The following ZMAT4 variants were observed in gnomAD, a reference collection of about 807,000 sequenced individuals.
ZMAT4 encodes zinc finger matrin-type protein 4.
A neutral mutation model predicts 28.7 loss-of-function variants in ZMAT4; 17 were observed. The observed-to-expected ratio is 0.59, with a 90% CI of 0.41 to 0.89. The LOEUF (loss-of-function observed/expected upper bound fraction) is 0.89, where lower values mean the gene tolerates loss of function less well. Among genes scored for constraint, ZMAT4 ranks in the 40% least tolerant of loss-of-function variants. The pLI, the probability that ZMAT4 is intolerant of heterozygous loss-of-function variation, is 0.00. For synonymous variants in ZMAT4, 117 were observed against 109.2 expected (o/e 1.07, Z -0.44); for missense variants, 240 against 283.8 (o/e 0.85, Z 1.11).
intron 4 of ZMAT4, among the ~76,000 whole-genome samples, chr8:40,684,184 C>A (rs930411591): frequency 1.3e-5 from 2 of 152,042 alleles, no homozygotes; most frequent in Middle Eastern, 3.4e-3. Context: ...AAGGGAATAG[C>A]AAAAGAAAAA....
At chr8:40,819,998 T>C (rs900382082) in intron 2 of ZMAT4, among the ~76,000 whole-genome samples, 1 of 152,112 alleles carries the variant, frequency 6.6e-6, no homozygotes, top group Non-Finnish European at 1.5e-5. Flanking sequence ...AAACCAGGTC[T>C]AGAAGGTCCT....
intron 2 of ZMAT4, among the ~76,000 whole-genome samples, chr8:40,768,147 A>G (rs1241089503): frequency 6.6e-6 from 1 of 152,090 alleles, no homozygotes; most frequent in African/African-American, 2.4e-5. Context: ...AGCCTGGTGC[A>G]CCTCACCCCC....
At chr8:40,608,751 G>A (rs1429195856) in intron 5 of ZMAT4, among the ~76,000 whole-genome samples, 2 of 152,202 alleles carry the variant, frequency 1.3e-5, no homozygotes, top group Admixed American at 1.3e-4. Context: ...AGTGCCCACA[G>A]CGTTCTTTCT....
chr8:40,547,564 T>C (rs1305406640), intron 6 of ZMAT4, among the ~76,000 whole-genome samples: 3 of 110,020 alleles, frequency 2.7e-5, no homozygotes, highest in Non-Finnish European at 5.9e-5. Context: ...CCTTTACACA[T>C]GAATGGGAAT....
intron 5 of ZMAT4, among the ~76,000 whole-genome samples, chr8:40,598,883 G>T (rs1279874735): frequency 6.6e-6 from 1 of 152,164 alleles, no homozygotes; most frequent in African/African-American, 2.4e-5. Flanking sequence ...TTCCTGATCA[G>T]CCAGTACGAA....
At chr8:40,732,684 G>T (rs538284765) in intron 3 of ZMAT4, among the ~76,000 whole-genome samples, 5 of 152,236 alleles carry the variant, frequency 3.3e-5, no homozygotes, top group Non-Finnish European at 7.4e-5. Context: ...GACTGATACT[G>T]GTGTCCAACG....
intron 5 of ZMAT4, among the ~76,000 whole-genome samples, chr8:40,660,722 C>T (rs76558045): frequency 6.6e-6 from 1 of 152,100 alleles, no homozygotes; most frequent in African/African-American, 2.4e-5. Flanking sequence ...CTATAAAATC[C>T]CCATTTTCTT....
At chr8:40,851,814 G>T (rs1341121775) in intron 1 of ZMAT4, among the ~76,000 whole-genome samples, 1 of 152,130 alleles carries the variant, frequency 6.6e-6, no homozygotes, top group Non-Finnish European at 1.5e-5. Context: ...ATAGTTGTAG[G>T]ATGTTAAATC....
At chr8:40,844,354 T>C (rs1312567041) in intron 1 of ZMAT4, among the ~76,000 whole-genome samples, 1 of 152,074 alleles carries the variant, frequency 6.6e-6, no homozygotes, top group Non-Finnish European at 1.5e-5. Context: ...ATCACCCAAT[T>C]GTTGAGGGCT....
intron 2 of ZMAT4, among the ~76,000 whole-genome samples, chr8:40,793,558 C>A (rs1787405409): frequency 6.6e-6 from 1 of 152,164 alleles, no homozygotes; most frequent in African/African-American, 2.4e-5. Context: ...ACAAATTTTC[C>A]ATTTGGGGGT....
intron 6 of ZMAT4, among the ~76,000 whole-genome samples, chr8:40,555,179 A>G: frequency 6.6e-6 from 1 of 152,246 alleles, no homozygotes; most frequent in East Asian, 1.9e-4. Flanking sequence ...ATAATATTCC[A>G]TTGTGTATAT....
At chr8:40,699,185 A>G (rs370345010) in intron 3 of ZMAT4, among the ~76,000 whole-genome samples, 4 of 152,130 alleles carry the variant, frequency 2.6e-5, no homozygotes, top group Non-Finnish European at 5.9e-5. Context: ...GATCACCAGG[A>G]AGAGGCAAAT....
At chr8:40,616,716 TCA>T (rs1806020361) in intron 5 of ZMAT4, among the ~76,000 whole-genome samples, 1 of 151,576 alleles carries the variant, frequency 6.6e-6, no homozygotes, top group Non-Finnish European at 1.5e-5. Flanking sequence ...AAGGGGAACA[TCA>T]CACACCGGGG....
chr8:40,736,913 G>A (rs1272928936), intron 3 of ZMAT4, among the ~76,000 whole-genome samples: 2 of 9,212 alleles, frequency 2.2e-4, no homozygotes, highest in Non-Finnish European at 0.02. Context: ...AGCTGACTGG[G>A]CAGGCTTCAT....
At chr8:40,654,690 A>G (rs1207421687) in intron 5 of ZMAT4, among the ~76,000 whole-genome samples, 7 of 152,180 alleles carry the variant, frequency 4.6e-5, no homozygotes, top group Non-Finnish European at 1.0e-4. Flanking sequence ...CATGGAATAA[A>G]TTAAAGATAA....
rs572059721 is a variant in ZMAT4 at position 40,819,061 on chromosome 8, T to C, written c.102+6514A>G. The stretch of plus-strand genomic sequence containing the variant: ...GAAAATGCCCTTCCAGCTATTCCCC[T>C]GGATTAAATAGAAGCTAGCCAAGGC... On this transcript the variant is annotated intron_variant, in intron 2 of 6. Coordinates refer to ENST00000297737, the MANE Select transcript of ZMAT4 (RefSeq NM_024645.3). 2.6e-5 allele frequency among the ~76,000 whole-genome samples: 4 copies of C among 152,234 alleles called. No homozygotes were observed. The East Asian group carries it at 7.7e-4, about 29-fold the overall frequency.
intron 2 of ZMAT4, among the ~76,000 whole-genome samples, chr8:40,785,007 A>G (rs1191211911): frequency 4.6e-5 from 7 of 152,220 alleles, no homozygotes; most frequent in Admixed American, 3.9e-4. Context: ...GACTTCAGAG[A>G]CTAAAGTCTT....
rs928627964 is a variant in ZMAT4 at position 40,532,027 on chromosome 8, CA to C, written c.*195del. ...TCCATCCAAATATCATAACTTACCC[CA>C]AAATTAAAAAAAGGAAAAAGAAAAA... On this transcript the variant is annotated 3_prime_UTR_variant, in exon 7 of 7. Transcript: ENST00000297737. 33 of 423,090 alleles carry C rather than the reference CA, an allele frequency of 7.8e-5. No individual in the cohort carries two copies. The highest frequency in any genetic ancestry group is 6.1e-4 in the Middle Eastern group (1 of 1,650). 26.2% of individuals were successfully genotyped at this position (423,090 alleles called of 1,614,324 possible).
At chr8:40,618,714 G>T (rs1806099745) in intron 5 of ZMAT4, among the ~76,000 whole-genome samples, 1 of 151,616 alleles carries the variant, frequency 6.6e-6, no homozygotes, top group Non-Finnish European at 1.5e-5. Context: ...ACAGAAGATG[G>T]AAAGTGGGAG....
Sources: allele counts gnomAD v4.1 joint callset (sites outside exome capture counted in the v4.1 genomes callset), GRCh38; gene constraint gnomAD v4.1.1; transcripts MANE v1.5; gene names NCBI Gene and HGNC (gene_info 2026-07-23, HGNC 2026-07-21).